The following STK35 variants were observed in gnomAD, a reference collection of about 807,000 sequenced individuals.
The protein encoded by STK35 is serine/threonine kinase 35.
A neutral mutation model predicts 37.3 loss-of-function variants in STK35; 17 were observed. That is an observed-to-expected ratio of 0.46 (90% CI 0.31 to 0.68). The LOEUF (loss-of-function observed/expected upper bound fraction) is 0.68. Among genes scored for constraint, STK35 ranks in the 30% least tolerant of loss-of-function variants. The pLI, the probability that STK35 is intolerant of heterozygous loss-of-function variation, is 0.05. For missense variants in STK35, 595 were observed against 746.7 expected (o/e 0.80, Z 2.37); for synonymous variants, 385 against 319.1 (o/e 1.21, Z -2.20).
intron 2 of STK35, among the ~76,000 whole-genome samples, chr20:2,113,455 A>C (rs1164186633): frequency 6.6e-6 from 1 of 152,216 alleles, no homozygotes; most frequent in African/African-American, 2.4e-5. Context: ...CTTAAGGTGC[A>C]CATTTCAATT....
In STK35 at chr20:2,144,423, T is replaced by A. The variant is rs1986223676; in HGVS notation, c.*677T>A. The A allele has an allele frequency of 6.3e-6, 1 of 159,354 alleles. No individual in the cohort carries two copies. The highest frequency in any genetic ancestry group is 2.4e-5 in the African/African-American group (1 of 41,462). The allele number at this position is 159,354 out of a possible 1,614,324, so 9.9% of individuals were successfully genotyped here. A position where few individuals can be genotyped will look rare whatever the true frequency, so the allele number is the denominator to read the frequency against. The stretch of plus-strand genomic sequence containing the variant: ...GGTTTGGCCAGGAGAACTAAGAAGG[T>A]CTCAACTCCAGGCTTTGTTGTGTTT... On this transcript the variant is annotated 3_prime_UTR_variant, in exon 4 of 4. Transcript: ENST00000381482.
intron 3 of STK35, among the ~76,000 whole-genome samples, chr20:2,127,029 C>T (rs1175240980): frequency 2.0e-5 from 3 of 152,088 alleles, no homozygotes; most frequent in Non-Finnish European, 2.9e-5. Context: ...TTGGGGAAGT[C>T]GCCTTATGAA....
intron 3 of STK35, among the ~76,000 whole-genome samples, chr20:2,126,238 G>A (rs1985903731): frequency 6.6e-6 from 1 of 152,204 alleles, no homozygotes; most frequent in South Asian, 2.1e-4. Flanking sequence ...CACTTGCCCA[G>A]TGGAGGCATT....
intron 3 of STK35, among the ~76,000 whole-genome samples, chr20:2,138,900 AC>A (rs1986130003): frequency 1.3e-5 from 2 of 151,896 alleles, no homozygotes; most frequent in Non-Finnish European, 2.9e-5. Flanking sequence ...AGTGGCATGT[AC>A]CTATAATCCC....
intron 3 of STK35, among the ~76,000 whole-genome samples, chr20:2,128,933 T>A (rs1187019616): frequency 6.6e-6 from 1 of 152,216 alleles, no homozygotes; most frequent in African/African-American, 2.4e-5. Context: ...CACGCGATTC[T>A]CCTGCCTCAG....
chr20:2,107,953 T>C (rs1985547717), intron 2 of STK35, among the ~76,000 whole-genome samples: 1 of 152,218 alleles, frequency 6.6e-6, no homozygotes, highest in Admixed American at 6.5e-5. Context: ...GAGCTGAAAC[T>C]TGCAGGTTGC....
At chr20:2,105,764 C>T (rs1281931667) in intron 2 of STK35, among the ~76,000 whole-genome samples, 1 of 152,224 alleles carries the variant, frequency 6.6e-6, no homozygotes, top group African/African-American at 2.4e-5. Flanking sequence ...TCAAGATTCA[C>T]ATTGTTCTTG....
In STK35 at chr20:2,148,042, C is replaced by T. The variant is rs903205279; in HGVS notation, c.*4296C>T. On this transcript the variant is annotated 3_prime_UTR_variant, in exon 4 of 4. Coordinates refer to ENST00000381482, the MANE Select transcript of STK35 (RefSeq NM_080836.4). The stretch of plus-strand genomic sequence containing the variant: ...CAGTGTTAGCATCTACAGCCATCAC[C>T]GAGATGAGTCCACTGCCGTTGCCTG... 9 of 134,888 alleles carry T rather than the reference C, an allele frequency of 6.7e-5. No individual in the cohort carries two copies. Among genetic ancestry groups the T allele is most frequent in the Admixed American group, 1.7e-4 (2 of 11,722 alleles). 8.4% of individuals were successfully genotyped at this position (134,888 alleles called of 1,614,324 possible).
At chr20:2,124,176 C>T (rs371740204) in intron 3 of STK35, among the ~76,000 whole-genome samples, 8 of 152,226 alleles carry the variant, frequency 5.3e-5, no homozygotes, top group African/African-American at 1.9e-4. Context: ...GATAGAATTT[C>T]CTGCCCACAA....
In STK35 at chr20:2,145,402, C is replaced by T. The variant is rs866783077; in HGVS notation, c.*1656C>T. On this transcript the variant is annotated 3_prime_UTR_variant, in exon 4 of 4. Transcript: ENST00000381482. ...AGGGGAGACGGTTGGCGGGCATTTC[C>T]GTTTCTATGTGACCAAGGCAGCAGG... 1 of 98,740 alleles carries T rather than the reference C, an allele frequency of 1.0e-5. No homozygotes were observed. Among genetic ancestry groups the T allele is most frequent in the Non-Finnish European group, 2.1e-5 (1 of 48,272 alleles). The allele number at this position is 98,740 out of a possible 1,614,324, so 6.1% of individuals were successfully genotyped here.
At chr20:2,119,850 G>GTTT (rs1985785153) in intron 3 of STK35, among the ~76,000 whole-genome samples, 1 of 152,128 alleles carries the variant, frequency 6.6e-6, no homozygotes, top group Non-Finnish European at 1.5e-5. Context: ...TTCTAGGTGG[G>GTTT]GTTGGCTCAT....
Position 2,144,251 on chromosome 20 carries a change from C to T in STK35, c.*505C>T, listed in dbSNP as rs1403742749. On this transcript the variant is annotated 3_prime_UTR_variant, in exon 4 of 4. Coordinates refer to ENST00000381482, the MANE Select transcript of STK35 (RefSeq NM_080836.4). ...GGGAATCTGGGGGTTTCTTCTGGAA[C>T]GGGGCGTGAGGACACAAGGAGGCCT... is the stretch of plus-strand genomic sequence containing the variant. 2.4e-5 allele frequency: 6 copies of T among 249,984 alleles called. No homozygotes were observed. Among genetic ancestry groups the T allele is most frequent in the Admixed American group, 1.1e-4 (2 of 18,916 alleles). 15.5% of individuals were successfully genotyped at this position (249,984 alleles called of 1,614,324 possible). A position where few individuals can be genotyped will look rare whatever the true frequency, so the allele number is the denominator to read the frequency against.
chr20:2,103,371 A>G lies in STK35; in HGVS notation c.892+6A>G. 6.2e-7 allele frequency: 1 copy of G among 1,607,082 alleles called. No homozygotes were observed. Among genetic ancestry groups the G allele is most frequent in the Non-Finnish European group, 8.5e-7 (1 of 1,175,970 alleles). On this transcript the variant is annotated splice_donor_region_variant and intron_variant, in intron 2 of 3. Transcript: ENST00000381482. ...GGTGGAGACCTCGCTGAAAGGTAGG[A>G]GCACCGCGGGCCTTTCCACCCACGC...
At chr20:2,129,783 A>G (rs1018504495) in intron 3 of STK35, among the ~76,000 whole-genome samples, 4 of 152,068 alleles carry the variant, frequency 2.6e-5, no homozygotes. Flanking sequence ...ATTGAAGCCG[A>G]GACCTGAAGG....
intron 3 of STK35, among the ~76,000 whole-genome samples, chr20:2,131,461 T>C (rs552735525): frequency 1.3e-5 from 2 of 151,712 alleles, no homozygotes; most frequent in Non-Finnish European, 2.9e-5. Context: ...CAAAATTATA[T>C]TAAAGTTTTG....
chr20:2,102,208 G>A (rs1231351209), intron 1 of STK35, 33 bp downstream of exon 1: 1 of 1,366,058 alleles, frequency 7.3e-7, no homozygotes, highest in Non-Finnish European at 9.4e-7. Context: ...GAAGGCCAGC[G>A]CCGAGGCTGG....
chr20:2,104,810 A>G (rs1383291120), intron 2 of STK35, among the ~76,000 whole-genome samples: 1 of 152,072 alleles, frequency 6.6e-6, no homozygotes, highest in Non-Finnish European at 1.5e-5. Context: ...TCCGTGCCCC[A>G]TCCATTCTGA....
In STK35 at chr20:2,117,964, T is replaced by C. The variant is rs1378227577; in HGVS notation, c.*37+549T>C. 1.3e-5 allele frequency among the ~76,000 whole-genome samples: 2 copies of C among 152,150 alleles called. No homozygotes were observed. The highest frequency in any genetic ancestry group is 1.3e-4 in the Admixed American group (2 of 15,276). ...CAGAGGAGGTTGCGTTTAAGCCGAG[T>C]CTCCCTTTTTTTAGAAACGCTCTTT... On this transcript the variant is annotated intron_variant, in intron 3 of 3. Transcript: ENST00000381482. The surrounding 1 kb of genome is among the most constrained non-coding windows in gnomAD (Gnocchi z 4.4).
At chr20:2,126,187 G>A (rs550669884) in intron 3 of STK35, among the ~76,000 whole-genome samples, 5 of 152,332 alleles carry the variant, frequency 3.3e-5, no homozygotes, top group East Asian at 1.9e-4. Context: ...GCCCTGTGTC[G>A]AAAGATTCTG....
Sources: allele counts gnomAD v4.1 joint callset (sites outside exome capture counted in the v4.1 genomes callset), GRCh38; gene constraint gnomAD v4.1.1; non-coding constraint Gnocchi (gnomAD v3.1); transcripts MANE v1.5; gene names NCBI Gene and HGNC (gene_info 2026-07-23, HGNC 2026-07-21).